ANK3: variants seen among roughly 807,000 people sequenced by gnomAD.
The protein encoded by ANK3 is ankyrin-3.
Under a neutral mutation model 370.9 loss-of-function variants are expected in ANK3, and 57 were observed. That is an observed-to-expected ratio of 0.15 (90% CI 0.12 to 0.19). The LOEUF (loss-of-function observed/expected upper bound fraction) is 0.19, where lower values mean the gene tolerates loss of function less well. Ranked by LOEUF, ANK3 falls within the 10% of genes least tolerant of loss-of-function variation. The pLI is 1.00. For synonymous variants in ANK3, 1,929 were observed against 1,946.3 expected (o/e 0.99, Z 0.23); for missense variants, 4,439 against 5,302.1 (o/e 0.84, Z 5.06).
At chr10:60,499,547 A>T (rs375086928) in intron 2 of ANK3, among the ~76,000 whole-genome samples, 1 of 152,240 alleles carries the variant, frequency 6.6e-6, no homozygotes, top group East Asian at 1.9e-4. Context: ...ATTTCTGTCC[A>T]GATTAAAATG....
chr10:60,653,029 A>G (rs955466002), intron 1 of ANK3, among the ~76,000 whole-genome samples: 2 of 152,182 alleles, frequency 1.3e-5, no homozygotes, highest in Non-Finnish European at 2.9e-5. Context: ...TGTTATAATT[A>G]TAAGAGACCT....
chr10:60,574,070 T>C (rs2077651882), intron 2 of ANK3, among the ~76,000 whole-genome samples: 1 of 152,106 alleles, frequency 6.6e-6, no homozygotes, highest in Admixed American at 6.5e-5. Context: ...TTAACAGTGG[T>C]TGAGGACATG....
chr10:60,620,425 C>T (rs534588554), intron 1 of ANK3, among the ~76,000 whole-genome samples: 124 of 152,230 alleles, frequency 8.1e-4, no homozygotes, highest in South Asian at 2.7e-3. Context: ...CCTAACAACC[C>T]TATGAGGCAG....
chr10:60,614,963 A>G (rs1362132104), intron 2 of ANK3, among the ~76,000 whole-genome samples: 1 of 152,196 alleles, frequency 6.6e-6, no homozygotes, highest in Non-Finnish European at 1.5e-5. Flanking sequence ...TTATCCTACC[A>G]TGAGCACAAG....
chr10:60,493,906 GTGATTGAC>G (rs1277810534), intron 2 of ANK3, among the ~76,000 whole-genome samples: 7 of 152,164 alleles, frequency 4.6e-5, no homozygotes, highest in Non-Finnish European at 1.0e-4. Context: ...AGTGGACACT[GTGATTGAC>G]TGCCCAACTT....
chr10:60,503,298 TA>T (rs1264325325), intron 2 of ANK3, among the ~76,000 whole-genome samples: 4 of 152,158 alleles, frequency 2.6e-5, no homozygotes, highest in African/African-American at 4.8e-5. Flanking sequence ...AAGTTTTTAA[TA>T]AAGGGAACAA....
intron 23 of ANK3, among the ~76,000 whole-genome samples, chr10:60,157,199 G>A (rs958253806): frequency 1.3e-5 from 2 of 151,792 alleles, no homozygotes; most frequent in Admixed American, 1.3e-4. Flanking sequence ...CACCACGCCT[G>A]GCTAATTTTG....
intron 1 of ANK3, among the ~76,000 whole-genome samples, chr10:60,361,420 C>T (rs1337279801): frequency 6.6e-6 from 1 of 152,092 alleles, no homozygotes; most frequent in East Asian, 1.9e-4. Flanking sequence ...TTCAAAGTTT[C>T]TATGGTGAAT....
At chr10:60,399,823 C>T (rs1567008969) in intron 2 of ANK3, among the ~76,000 whole-genome samples, 1 of 152,194 alleles carries the variant, frequency 6.6e-6, no homozygotes, top group Non-Finnish European at 1.5e-5. Context: ...TATCGCAACA[C>T]TTTGCTCCAC....
chr10:60,387,173 A>T (rs944433760), intron 1 of ANK3, among the ~76,000 whole-genome samples: 1 of 152,010 alleles, frequency 6.6e-6, no homozygotes, highest in Admixed American at 6.5e-5. Flanking sequence ...AAAAAAAAAA[A>T]TCCTATACAA....
intron 1 of ANK3, among the ~76,000 whole-genome samples, chr10:60,319,739 T>C (rs531741124): frequency 1.9e-3 from 297 of 152,308 alleles, no homozygotes; most frequent in Non-Finnish European, 3.5e-3. Context: ...CTTTCTCTAC[T>C]TGGCCACAAA....
intron 2 of ANK3, among the ~76,000 whole-genome samples, chr10:60,431,655 G>C (rs1208221658): frequency 1.3e-5 from 2 of 152,166 alleles, no homozygotes; most frequent in Non-Finnish European, 2.9e-5. Context: ...TAGCTGGTGG[G>C]GGGGCTAGGG....
At chr10:60,677,784 C>CAAAAAAAAAAAAAAAGAAAAAAAAA (rs1554807638) in intron 1 of ANK3, among the ~76,000 whole-genome samples, 1 of 99,282 alleles carries the variant, frequency 1.0e-5, no homozygotes, top group African/African-American at 3.7e-5. Context: ...CTCAACTACC[C>CAAAAAAAAAAAAAAAGAAAAAAAAA]AAAAAAAAAA....
chr10:60,198,727 A>G (rs1252903573), intron 13 of ANK3, among the ~76,000 whole-genome samples, 190 bp from the exon 14 acceptor site: 1 of 152,228 alleles, frequency 6.6e-6, no homozygotes, highest in Non-Finnish European at 1.5e-5. Flanking sequence ...AGCTAATTAA[A>G]TACCTGTGGA....
chr10:60,139,911 G>C (rs570382693), intron 23 of ANK3: 69 of 171,158 alleles, frequency 4.0e-4, no homozygotes, highest in African/African-American at 1.4e-3. Flanking sequence ...TTGCCCTCTG[G>C]GACATTTCCC....
Position 60,071,854 on chromosome 10 carries a change from A to T in ANK3, c.9027T>A (p.Phe3009Leu). The T allele has an allele frequency of 6.2e-7, 1 of 1,613,932 alleles. No individual in the cohort carries two copies. Among genetic ancestry groups the T allele is most frequent in the Non-Finnish European group, 8.5e-7 (1 of 1,179,954 alleles). ...MSKETVETQH[F>L]NSIEDEKVTY... ...TAACTTTTTCATCTTCTATAGAATTAAAGTGCTGTGTCTCAACTGTCTCTT... is the reference window on the plus strand; with the variant it reads ...TAACTTTTTCATCTTCTATAGAATTTAAGTGCTGTGTCTCAACTGTCTCTT... Residue 3009 changes from phenylalanine (F) to leucine (L), a missense_variant, in exon 37 of 44, where the codon TTT becomes TTA. This residue lies in a region of ANK3 where 1,601 missense variants were observed against 1,731.7 expected (regional missense o/e 0.92). Transcript: ENST00000280772.
chr10:60,197,855 G>T (rs1036120829), intron 14 of ANK3, among the ~76,000 whole-genome samples: 1 of 152,124 alleles, frequency 6.6e-6, no homozygotes, highest in Non-Finnish European at 1.5e-5. Context: ...AGGCATCAGA[G>T]TTGAGATAAA....
chr10:60,287,223 G>T (rs12765897), intron 1 of ANK3, among the ~76,000 whole-genome samples: 7 of 151,934 alleles, frequency 4.6e-5, no homozygotes, highest in Non-Finnish European at 8.8e-5. Flanking sequence ...ATCTCTACAG[G>T]CCTCTTACTT....
intron 1 of ANK3, among the ~76,000 whole-genome samples, chr10:60,616,699 T>A (rs1007266747): frequency 6.6e-6 from 1 of 152,260 alleles, no homozygotes; most frequent in African/African-American, 2.4e-5. Context: ...TTAAGAGAAA[T>A]TCGCCAAAAT....
Sources: allele counts gnomAD v4.1 joint callset (sites outside exome capture counted in the v4.1 genomes callset), GRCh38; gene constraint gnomAD v4.1.1; regional missense constraint gnomAD v4.1.1; transcripts MANE v1.5; gene names NCBI Gene and HGNC (gene_info 2026-07-23, HGNC 2026-07-21).